Variants in TOGARAM1 observed in about 807,000 individuals in gnomAD.
TOGARAM1 encodes the protein TOG array regulator of axonemal microtubules 1, also known as TOG array regulator of axonemal microtubules protein 1.
A neutral mutation model predicts 166.6 loss-of-function variants in TOGARAM1; 100 were observed. The ratio of observed to expected loss-of-function variants is 0.60; its 90% CI spans 0.51 to 0.71. The LOEUF (loss-of-function observed/expected upper bound fraction) is 0.71. TOGARAM1 is among the 30% of genes least tolerant of loss of function. TOGARAM1 has a pLI of 0.00. For synonymous variants in TOGARAM1, 758 were observed against 763.8 expected, an observed-to-expected ratio of 0.99 and a Z score of 0.13; for missense variants, 2,029 against 2,102.7, an observed-to-expected ratio of 0.96 and a Z score of 0.69.
In TOGARAM1 at chr14:44,966,632, A is replaced by G. The variant is rs74244125; in HGVS notation, c.2046+2165A>G. Among the ~76,000 whole-genome samples, 15 of 152,092 alleles carry G rather than the reference A, an allele frequency of 9.9e-5. No individual in the cohort carries two copies. In the East Asian group the frequency reaches 2.1e-3, roughly 22 times the overall value. On this transcript the variant is annotated intron_variant, in intron 1 of 19. Coordinates refer to ENST00000361462, the MANE Select transcript of TOGARAM1 (RefSeq NM_001308120.2). The stretch of plus-strand genomic sequence containing the variant: ...CTAAATTTTTTTTAACTTTTTCATG[A>G]TAAAATTGTCCCAAATTTAACTAGT...
At chr14:45,011,513 G>T (rs1037227519) in intron 6 of TOGARAM1, among the ~76,000 whole-genome samples, 1 of 151,870 alleles carries the variant, frequency 6.6e-6, no homozygotes, top group Non-Finnish European at 1.5e-5. Context: ...GGAGTTTTGC[G>T]ATGGTGCCCA....
intron 7 of TOGARAM1, among the ~76,000 whole-genome samples, chr14:45,020,105 C>A (rs1185374983): frequency 6.6e-6 from 1 of 152,042 alleles, no homozygotes; most frequent in Non-Finnish European, 1.5e-5. Context: ...GATACAGGGT[C>A]CAAAGAAGAG....
At position 45,066,699 on chromosome 14, in the gene TOGARAM1, A is replaced by G. The variant is rs376575540; in HGVS notation, c.4681A>G (p.Asn1561Asp). 19 of 1,613,930 alleles carry G rather than the reference A, an allele frequency of 1.2e-5. No individual in the cohort carries two copies. The highest frequency in any genetic ancestry group is 1.6e-5 in the Non-Finnish European group (19 of 1,179,832). Residue 1561 changes from asparagine (N) to aspartate (D), a missense_variant, in exon 17 of 20, where the codon AAT becomes GAT. Physicochemically the swap from Asn to Asp is conservative, Grantham distance 23. Around this residue, in one of 2 missense-constraint regions of TOGARAM1, gnomAD observed 576 missense variants for 670.5 expected, o/e 0.86. Coordinates refer to ENST00000361462, the MANE Select transcript of TOGARAM1 (RefSeq NM_001308120.2). Reference sequence around the variant, plus strand: ...TGCAAAAGACTTTCGTGATCGTATTAATGGGATTAAGCAGCTTTTATCAGA... The same window carrying G: ...TGCAAAAGACTTTCGTGATCGTATTGATGGGATTAAGCAGCTTTTATCAGA... ...LNAKDFRDRINGIKQLLSDTE... is the reference protein window; with the variant it reads ...LNAKDFRDRIDGIKQLLSDTE...
At chr14:45,028,610 A>G (rs1331039308) in intron 10 of TOGARAM1, among the ~76,000 whole-genome samples, 1 of 152,158 alleles carries the variant, frequency 6.6e-6, no homozygotes, top group African/African-American at 2.4e-5. Flanking sequence ...ATCCCATTTT[A>G]TAGTAGATAA....
At chr14:44,981,894 A>T (rs1319545592) in intron 1 of TOGARAM1, among the ~76,000 whole-genome samples, 9 of 132,530 alleles carry the variant, frequency 6.8e-5, no homozygotes, top group Non-Finnish European at 4.6e-5. Flanking sequence ...TCCAGGCTGG[A>T]GTGCAGTGGC....
At chr14:45,038,296 C>G (rs995063540) in intron 11 of TOGARAM1, among the ~76,000 whole-genome samples, 1 of 152,210 alleles carries the variant, frequency 6.6e-6, no homozygotes, top group African/African-American at 2.4e-5. Context: ...TGCCTTTGCC[C>G]AAGTTTTGCT....
In TOGARAM1 at chr14:45,068,526, T is replaced by G; in HGVS notation, c.4852T>G (p.Leu1618Val). 6.2e-7 allele frequency: 1 copy of G among 1,613,686 alleles called. No homozygotes were observed. Among genetic ancestry groups the G allele is most frequent in the Non-Finnish European group, 8.5e-7 (1 of 1,179,768 alleles). The change falls in exon 18 of 20, where the codon TTA becomes GTA. Residue 1618 changes from leucine (L) to valine (V), a missense_variant. By Grantham distance (32) the Leu-to-Val change is conservative. Transcript: ENST00000361462. ...AATGATTCCTCTACTTAGAGACCAC[T>G]TATCTCCTATAATCAACATGCTAAT... is the stretch of plus-strand genomic sequence containing the variant. Reference protein sequence around the residue: ...HKMIPLLRDHLSPIINMLIPA... With the variant: ...HKMIPLLRDHVSPIINMLIPA...
intron 1 of TOGARAM1, among the ~76,000 whole-genome samples, chr14:44,976,653 A>T (rs1172562640): frequency 2.6e-5 from 4 of 152,170 alleles, no homozygotes; most frequent in Non-Finnish European, 4.4e-5. Flanking sequence ...AACTCTTAAA[A>T]TAATACCTGA....
intron 18 of TOGARAM1, among the ~76,000 whole-genome samples, chr14:45,070,594 T>C (rs1325934033): frequency 6.6e-6 from 1 of 152,226 alleles, no homozygotes; most frequent in Non-Finnish European, 1.5e-5. Flanking sequence ...ATACAGTATA[T>C]AATACATATA....
chr14:45,015,310 AT>A (rs1186634448), intron 7 of TOGARAM1, among the ~76,000 whole-genome samples: 6 of 102,022 alleles, frequency 5.9e-5, no homozygotes, highest in Non-Finnish European at 8.7e-5. Context: ...ATCTCAAAAA[AT>A]AAATAAATAA....
At position 45,025,778 on chromosome 14, in the gene TOGARAM1, TA is replaced by T; in HGVS notation, c.3239-4del. 1 of 1,578,118 alleles carries T rather than the reference TA, an allele frequency of 6.3e-7. No individual in the cohort carries two copies. Among genetic ancestry groups the T allele is most frequent in the Middle Eastern group, 1.7e-4 (1 of 5,972 alleles). ...TATTTGTTTTGTTTTTTGGGGGATT[TA>T]CAGGGTCATCATCAAATCCACAGCA... On this transcript the variant is annotated splice_polypyrimidine_tract_variant and splice_region_variant and intron_variant, in intron 7 of 19. Coordinates refer to ENST00000361462, the MANE Select transcript of TOGARAM1 (RefSeq NM_001308120.2).
In TOGARAM1 at chr14:44,963,848, T is replaced by C; in HGVS notation, c.1427T>C (p.Leu476Pro). The C allele has an allele frequency of 6.2e-7, 1 of 1,614,164 alleles. No homozygotes were observed. The highest frequency in any genetic ancestry group is 8.5e-7 in the Non-Finnish European group (1 of 1,180,008). Residue 476 changes from leucine (L) to proline (P), a missense_variant, in exon 1 of 20, where the codon CTG (leucine) becomes CCG (proline). Around this residue, in one of 2 missense-constraint regions of TOGARAM1, gnomAD observed 1,453 missense variants for 1,432.2 expected, o/e 1.01. Transcript: ENST00000361462. ...CCTCAGCAGGTGCTTTGTTTACTCC[T>C]GGAACATCTCAAACATAAGCATTCC... ...VGPQQVLCLL[L>P]EHLKHKHSRV...
Position 44,964,951 on chromosome 14 carries a change from T to TTA in TOGARAM1, c.2046+484_2046+485insTA, listed in dbSNP as rs1285530238. 9.5e-4 allele frequency among the ~76,000 whole-genome samples: 82 copies of TTA among 85,884 alleles called. No individual in the cohort carries two copies. In the East Asian group the frequency reaches 0.029, roughly 30 times the overall value. 56.3% of individuals were successfully genotyped at this position (85,884 alleles called of 152,430 possible). A position where few individuals can be genotyped will look rare whatever the true frequency, so the allele number is the denominator to read the frequency against. ...AGAAAAACTAATTCCACTAGAAAAG[T>TTA]AAAAAAAAAAAAAAAAAAAAAAGGA... On this transcript the variant is annotated intron_variant, in intron 1 of 19. Coordinates refer to ENST00000361462, the MANE Select transcript of TOGARAM1 (RefSeq NM_001308120.2).
intron 16 of TOGARAM1, among the ~76,000 whole-genome samples, chr14:45,054,867 T>C (rs957060166): frequency 3.9e-5 from 6 of 152,088 alleles, no homozygotes; most frequent in African/African-American, 1.4e-4. Context: ...TGTAAAGTAA[T>C]ACATAATTAT....
intron 15 of TOGARAM1, among the ~76,000 whole-genome samples, chr14:45,053,463 AAT>A (rs141465652): frequency 0.046 from 7,058 of 152,226 alleles, 527 homozygotes; most frequent in African/African-American, 0.16. Context: ...TTAATTTAAA[AAT>A]ATGTTTAATT....
At position 44,962,630 on chromosome 14, in the gene TOGARAM1, C is replaced by T. The variant is rs747006829; in HGVS notation, c.209C>T (p.Ala70Val). 1 of 1,613,802 alleles carries T rather than the reference C, an allele frequency of 6.2e-7. No homozygotes were observed. Among genetic ancestry groups the T allele is most frequent in the South Asian group, 1.1e-5 (1 of 91,052 alleles). ...CPTTTSPLAS[A>V]LLMPSEAVSS... Reference sequence around the variant, plus strand: ...ACTACAACTTCGCCTCTGGCCTCGGCCCTCTTGATGCCCTCGGAGGCAGTC... The same window carrying T: ...ACTACAACTTCGCCTCTGGCCTCGGTCCTCTTGATGCCCTCGGAGGCAGTC... Residue 70 changes from alanine (A) to valine (V), a missense_variant, in exon 1 of 20, where the codon GCC becomes GTC. Ala to Val is a moderately conservative substitution (Grantham distance 64, BLOSUM62 0). Transcript: ENST00000361462.
At chr14:45,054,256 T>C (rs2138977267) in intron 15 of TOGARAM1, among the ~76,000 whole-genome samples, 175 bp from the exon 16 acceptor site, 1 of 152,312 alleles carries the variant, frequency 6.6e-6, no homozygotes, top group South Asian at 2.1e-4. Flanking sequence ...TTTTGTTAAT[T>C]TACTGCTAAC....
In TOGARAM1 at chr14:44,964,084, A is replaced by G; in HGVS notation, c.1663A>G (p.Thr555Ala). 1 of 1,614,174 alleles carries G rather than the reference A, an allele frequency of 6.2e-7. No homozygotes were observed. Among genetic ancestry groups the G allele is most frequent in the Non-Finnish European group, 8.5e-7 (1 of 1,179,992 alleles). The change falls in exon 1 of 20, where the codon ACA (threonine) becomes GCA (alanine). Residue 555 changes from threonine to alanine, a missense_variant. Thr to Ala is a moderately conservative substitution (Grantham distance 58). Around this residue, in one of 2 missense-constraint regions of TOGARAM1, gnomAD observed 1,453 missense variants for 1,432.2 expected, o/e 1.01. Transcript: ENST00000361462. ...KTSILFKAVDTVELQDNGDGV... is the reference protein window; with the variant it reads ...KTSILFKAVDAVELQDNGDGV... Reference sequence around the variant, plus strand: ...CAGCATCCTTTTTAAAGCTGTGGATACAGTTGAACTGCAAGATAATGGAGA... The same window carrying G: ...CAGCATCCTTTTTAAAGCTGTGGATGCAGTTGAACTGCAAGATAATGGAGA...
intron 16 of TOGARAM1, among the ~76,000 whole-genome samples, chr14:45,062,843 A>C (rs1328403625): frequency 6.6e-6 from 1 of 152,202 alleles, no homozygotes; most frequent in Non-Finnish European, 1.5e-5. Flanking sequence ...ATCGGGATGT[A>C]ACTCCATTGC....
Sources: gnomAD v4.1 joint callset for allele counts (sites outside exome capture counted in the v4.1 genomes callset) on GRCh38, gnomAD v4.1.1 for gene constraint, gnomAD v4.1.1 regional missense constraint, MANE v1.5 for transcripts, NCBI Gene and HGNC (gene_info 2026-07-23, HGNC 2026-07-21) for gene names.